Variants in DYSF observed in about 807,000 individuals in gnomAD.
The protein encoded by DYSF is dysferlin.
A neutral mutation model predicts 274.9 loss-of-function variants in DYSF; 212 were observed. That is an observed-to-expected ratio of 0.77 (90% CI 0.69 to 0.86). The LOEUF is 0.86. Ranked by LOEUF, DYSF falls within the 40% of genes least tolerant of loss-of-function variation. DYSF has a pLI of 0.00. For synonymous variants in DYSF, 1,091 were observed against 1,078.7 expected (o/e 1.01, Z -0.22); for missense variants, 2,666 against 2,783.2 (o/e 0.96, Z 0.95).
chr2:71,594,142 T>A (rs1380540397), intron 32 of DYSF, among the ~76,000 whole-genome samples: 1 of 152,192 alleles, frequency 6.6e-6, no homozygotes, highest in East Asian at 1.9e-4. Flanking sequence ...CACGTCTTGA[T>A]GACCGGTGCC....
intron 3 of DYSF, among the ~76,000 whole-genome samples, chr2:71,487,505 G>A (rs2083456122): frequency 6.6e-6 from 1 of 152,168 alleles, no homozygotes; most frequent in Admixed American, 6.5e-5. Flanking sequence ...AGAGATGCTG[G>A]CATTTTGTTG....
At chr2:71,641,330 C>T (rs992376440) in intron 41 of DYSF, among the ~76,000 whole-genome samples, 11 of 151,826 alleles carry the variant, frequency 7.2e-5, no homozygotes, top group African/African-American at 2.7e-4. Context: ...AGGCGCCCGC[C>T]ACCACGCCCG....
chr2:71,545,508 G>A (rs2090395608), intron 17 of DYSF, among the ~76,000 whole-genome samples: 1 of 152,162 alleles, frequency 6.6e-6, no homozygotes, highest in African/African-American at 2.4e-5. Flanking sequence ...TGTTCAGATA[G>A]TTTCTAAGGA....
chr2:71,570,357 C>A (rs374043941), intron 28 of DYSF, 23 bp downstream of exon 28: 11 of 1,606,734 alleles, frequency 6.8e-6, no homozygotes, highest in African/African-American at 1.3e-5. Context: ...TGGAACCTGG[C>A]GAGCCCCATC....
intron 26 of DYSF, 115 bp downstream of exon 26, chr2:71,568,453 T>G: frequency 3.7e-6 from 5 of 1,359,878 alleles, no homozygotes; most frequent in Non-Finnish European, 5.0e-6. Flanking sequence ...GCTCCTGCGC[T>G]GGTCATAGGA....
At chr2:71,505,287 G>T (rs4346411) in intron 4 of DYSF, among the ~76,000 whole-genome samples, 85,172 of 152,148 alleles carry the variant, frequency 0.56, 25,286 homozygotes, top group Non-Finnish European at 0.66. Flanking sequence ...GGGGTGTGCT[G>T]GGCAGGGACA....
intron 16 of DYSF, among the ~76,000 whole-genome samples, chr2:71,536,659 A>G (rs2089374032): frequency 6.6e-6 from 1 of 152,192 alleles, no homozygotes; most frequent in African/African-American, 2.4e-5. Flanking sequence ...GTACTGTACA[A>G]TCCAAACACA....
chr2:71,682,455 G>A, intron 54 of DYSF, 75 bp from the exon 55 acceptor site: 2 of 1,598,884 alleles, frequency 1.3e-6, no homozygotes, highest in South Asian at 1.1e-5. Flanking sequence ...CATTGGACCT[G>A]CTGTTGAGAG....
chr2:71,513,478 G>C, intron 6 of DYSF, 146 bp downstream of exon 6: 1 of 928,430 alleles, frequency 1.1e-6, no homozygotes, highest in Non-Finnish European at 1.6e-6. Flanking sequence ...GGGCCATTCT[G>C]TTTTCTTCCT....
In DYSF at chr2:71,482,005, AAGGTGCAGGT is replaced by A. The variant is rs764797026; in HGVS notation, c.239+39_239+48del. 1.0e-5 allele frequency: 16 copies of A among 1,561,544 alleles called. No individual in the cohort carries two copies. The South Asian group carries it at 1.8e-4, about 17-fold the overall frequency. On this transcript the variant is annotated intron_variant, in intron 3 of 55. Transcript: ENST00000410020. ...CCAGAGGGGGGTGCTCCATGGCTTG[AAGGTGCAGGT>A]AGGATTGTGGAGTATACAGACTGCA...
upstream of DYSF, among the ~76,000 whole-genome samples, chr2:71,466,359 C>T (rs1281141389): frequency 6.6e-6 from 1 of 152,238 alleles, no homozygotes; most frequent in Non-Finnish European, 1.5e-5. Flanking sequence ...ACCCTTTCGT[C>T]GAGCGCACAG....
chr2:71,484,007 T>G (rs2083154112), intron 3 of DYSF, among the ~76,000 whole-genome samples: 1 of 151,582 alleles, frequency 6.6e-6, no homozygotes, highest in South Asian at 2.1e-4. Flanking sequence ...TTTCATTATC[T>G]TATTCAGCAT....
rs1206191370 is a variant in DYSF at position 71,551,654 on chromosome 2, C to G, written c.1740C>G (p.Thr580=). The G allele has an allele frequency of 1.2e-6, 2 of 1,611,070 alleles. No individual in the cohort carries two copies. Among genetic ancestry groups the G allele is most frequent in the Admixed American group, 1.7e-5 (1 of 59,790 alleles). ...YRGRLLLSLE[T]KLVEHSEQKV... ...GCCGGCTTCTGCTCTCCCTGGAGACCAAGCTGGTGGAGCACAGTGAACAGA... is the reference window on the plus strand; with the variant it reads ...GCCGGCTTCTGCTCTCCCTGGAGACGAAGCTGGTGGAGCACAGTGAACAGA... Residue 580 remains threonine, a synonymous_variant, in exon 19 of 56, where the codon ACC becomes ACG. Coordinates refer to ENST00000410020, the MANE Select transcript of DYSF (RefSeq NM_001130987.2).
intron 9 of DYSF, 85 bp downstream of exon 9, chr2:71,516,327 T>C: frequency 7.6e-7 from 1 of 1,316,324 alleles, no homozygotes; most frequent in South Asian, 1.2e-5. Context: ...TTTGTGCACG[T>C]GTGTGCATGT....
rs1403782989 is a variant in DYSF, at chr2:71,615,283, A to G, written c.4464+1873A>G. 6.6e-6 allele frequency among the ~76,000 whole-genome samples: 1 copy of G among 152,096 alleles called. No homozygotes were observed. Among genetic ancestry groups the G allele is most frequent in the East Asian group, 1.9e-4 (1 of 5,140 alleles). ...GCCACTCTGGCTAGAGCTGCTGGCC[A>G]GACCAGCAGCACTGGTGGGAGCTGG... On this transcript the variant is annotated intron_variant, in intron 40 of 55. Transcript: ENST00000410020. This position sits in a 1 kb window ranked among gnomAD's most constrained non-coding sequence, Gnocchi z 4.9.
rs1218852231 is a variant in DYSF, at chr2:71,476,334, C to T, written c.92-4549C>T. On this transcript the variant is annotated intron_variant, in intron 1 of 55. Coordinates refer to ENST00000410020, the MANE Select transcript of DYSF (RefSeq NM_001130987.2). ...TGGAAGGCCGAGGTGGGCAGACCAC[C>T]TGAGGTCAGGAATTTGAGGCCAGCC... is the stretch of plus-strand genomic sequence containing the variant. Among the ~76,000 whole-genome samples, 5 of 152,062 alleles carry T rather than the reference C, an allele frequency of 3.3e-5. No homozygotes were observed. The South Asian group carries it at 1.0e-3, about 31-fold the overall frequency.
At chr2:71,482,066 G>A in intron 3 of DYSF, 96 bp downstream of exon 3, 1 of 968,832 alleles carries the variant, frequency 1.0e-6, no homozygotes, top group Non-Finnish European at 1.6e-6. Flanking sequence ...GGGAGCTGGG[G>A]TTTCAATTAG....
Position 71,664,167 on chromosome 2 carries a change from G to A in DYSF, c.5004-101G>A, listed in dbSNP as rs964119309. The A allele has an allele frequency of 4.0e-6, 6 of 1,497,316 alleles. No homozygotes were observed. The African/African-American group carries it at 5.5e-5, about 14-fold the overall frequency. 92.8% of individuals were successfully genotyped at this position (1,497,316 alleles called of 1,614,324 possible). On this transcript the variant is annotated intron_variant, in intron 45 of 55. Coordinates refer to ENST00000410020, the MANE Select transcript of DYSF (RefSeq NM_001130987.2). ...CCTGTAAGATCTGTAGGGGGCCCAAGGAAAGAAGACTCCCTGGGGTAGTTT... is the reference window on the plus strand; with the variant it reads ...CCTGTAAGATCTGTAGGGGGCCCAAAGAAAGAAGACTCCCTGGGGTAGTTT...
chr2:71,664,146 T>C, intron 45 of DYSF, 122 bp from the exon 46 acceptor site: 1 of 1,271,658 alleles, frequency 7.9e-7, no homozygotes, highest in Non-Finnish European at 1.1e-6. Flanking sequence ...GTTGGGCCTG[T>C]AAGATCTGTA....
Sources: allele counts gnomAD v4.1 joint callset (sites outside exome capture counted in the v4.1 genomes callset), GRCh38; gene constraint gnomAD v4.1.1; non-coding constraint Gnocchi (gnomAD v3.1); transcripts MANE v1.5; gene names NCBI Gene and HGNC (gene_info 2026-07-23, HGNC 2026-07-21).